FLNB: variants seen among roughly 807,000 people sequenced by gnomAD.
The protein encoded by FLNB is filamin B.
FLNB carries 111 observed loss-of-function variants against 250.6 expected under a neutral mutation model. The ratio of observed to expected loss-of-function variants is 0.44; its 90% CI spans 0.38 to 0.52. The LOEUF (loss-of-function observed/expected upper bound fraction) is 0.52, where lower values mean the gene tolerates loss of function less well. Ranked by LOEUF, FLNB falls within the 20% of genes least tolerant of loss-of-function variation. The pLI is 0.00. For missense variants in FLNB, 2,869 were observed against 3,447.8 expected (o/e 0.83, Z 4.20); for synonymous variants, 1,302 against 1,372.1 (o/e 0.95, Z 1.13).
chr3:58,152,636 G>A lies in FLNB; in HGVS notation c.6368-739G>A, dbSNP rs139888044. ...GTAGGGTTTCAATATTTGAATTTTG[G>A]AGGGACACAAACATTCAGTTCATTA... On this transcript the variant is annotated intron_variant, in intron 38 of 45. Coordinates refer to ENST00000295956, the MANE Select transcript of FLNB (RefSeq NM_001457.4). 527 of 609,122 alleles carry A rather than the reference G, an allele frequency of 8.7e-4. 3 individuals are homozygous for A. Among genetic ancestry groups the A allele is most frequent in the African/African-American group, 8.6e-3 (452 of 52,632 alleles). 37.7% of individuals were successfully genotyped at this position (609,122 alleles called of 1,614,324 possible). A position where few individuals can be genotyped will look rare whatever the true frequency, so the allele number is the denominator to read the frequency against.
intron 1 of FLNB, among the ~76,000 whole-genome samples, chr3:58,074,604 AGAAAACACGGT>A (rs761595174): frequency 3.9e-5 from 6 of 152,236 alleles, no homozygotes; most frequent in Non-Finnish European, 8.8e-5. Flanking sequence ...CTAAATTACA[AGAAAACACGGT>A]GAATTTGTAT....
chr3:58,170,651 C>T lies in FLNB; in HGVS notation c.7698C>T (p.Asn2566=). Residue 2566 remains asparagine, a synonymous_variant, in exon 46 of 46, where the codon AAC becomes AAT. Transcript: ENST00000295956. ...CEEVSMKHVG[N]QQYNVTYVVK... ...AGGTCTCCATGAAGCATGTAGGCAA[C>T]CAGCAATACAACGTCACATACGTCG... 6.2e-7 allele frequency: 1 copy of T among 1,614,144 alleles called. No individual in the cohort carries two copies.
At chr3:58,120,594 C>T (rs1357825783) in intron 19 of FLNB, among the ~76,000 whole-genome samples, 1 of 152,218 alleles carries the variant, frequency 6.6e-6, no homozygotes, top group Non-Finnish European at 1.5e-5. Flanking sequence ...ACAGTCAGTT[C>T]TCAGCACTTG....
intron 42 of FLNB, chr3:58,162,789 A>G: frequency 6.5e-6 from 2 of 306,688 alleles, no homozygotes; most frequent in South Asian, 6.2e-5. Flanking sequence ...ATTTTAGTGG[A>G]AAAACATAAT....
In FLNB at chr3:58,130,801, G is replaced by A. The variant is rs2097306088; in HGVS notation, c.4283G>A (p.Gly1428Asp). The A allele has an allele frequency of 1.9e-6, 3 of 1,613,780 alleles. No individual in the cohort carries two copies. The highest frequency in any genetic ancestry group is 2.5e-6 in the Non-Finnish European group (3 of 1,179,956). ...GACCCCAGCAAGGTCAAGATTGCCG[G>A]CCCCGGGCTGGGCTCAGGCGTCCGA... ...VVDPSKVKIA[G>D]PGLGSGVRAR... Residue 1428 changes from glycine (G) to aspartate (D), a missense_variant, in exon 25 of 46, where the codon GGC becomes GAC. Gly to Asp is a moderately conservative substitution (Grantham distance 94). This residue lies in a region of FLNB where 1,348 missense variants were observed against 1,466.7 expected (regional missense o/e 0.92). Transcript: ENST00000295956.
chr3:58,095,056 AC>A, intron 5 of FLNB, 102 bp downstream of exon 5: 1 of 954,980 alleles, frequency 1.0e-6, no homozygotes, highest in South Asian at 1.3e-5. Flanking sequence ...TCAGCTCACA[AC>A]CAAAAGTGTT....
intron 41 of FLNB, among the ~76,000 whole-genome samples, chr3:58,158,250 A>T (rs566808437): frequency 6.6e-6 from 1 of 152,250 alleles, no homozygotes; most frequent in African/African-American, 2.4e-5. Flanking sequence ...AGTCTATGCT[A>T]TGCAGCATGA....
At chr3:58,071,910 AAAG>A (rs1442739004) in intron 1 of FLNB, among the ~76,000 whole-genome samples, 13 of 152,322 alleles carry the variant, frequency 8.5e-5, no homozygotes, top group African/African-American at 2.6e-4. Context: ...ACTCATCCAC[AAAG>A]AAGATGTTTC....
intron 1 of FLNB, among the ~76,000 whole-genome samples, chr3:58,048,702 C>G (rs1219514424): frequency 2.0e-5 from 3 of 152,186 alleles, no homozygotes; most frequent in Non-Finnish European, 4.4e-5. Context: ...ACATGAATAT[C>G]CTGTTCCCCA....
chr3:58,106,825 G>C lies in FLNB; in HGVS notation c.1893G>C (p.Pro631=). The C allele has an allele frequency of 1.2e-6, 2 of 1,614,040 alleles. No homozygotes were observed. Among genetic ancestry groups the C allele is most frequent in the Non-Finnish European group, 1.7e-6 (2 of 1,179,994 alleles). The part of the protein sequence containing the change: ...MCDDEDIKDS[P]YMAFIHPATG... ...ACGACGAAGACATCAAGGACAGCCC[G>C]TACATGGCCTTCATCCACCCAGCCA... Residue 631 remains proline (P), a synonymous_variant, in exon 12 of 46, where the codon CCG becomes CCC. Coordinates refer to ENST00000295956, the MANE Select transcript of FLNB (RefSeq NM_001457.4).
intron 1 of FLNB, among the ~76,000 whole-genome samples, chr3:58,020,901 A>G (rs1440238217): frequency 1.3e-5 from 2 of 151,998 alleles, no homozygotes; most frequent in Admixed American, 1.3e-4. Flanking sequence ...GCTTTCCTTC[A>G]ACAGGCAGGA....
Position 58,168,644 on chromosome 3 carries a change from A to C in FLNB, c.7403A>C (p.Lys2468Thr). 6.2e-7 allele frequency: 1 copy of C among 1,613,576 alleles called. No individual in the cohort carries two copies. Residue 2468 changes from lysine to threonine, a missense_variant, in exon 44 of 46, where the codon AAG (lysine) becomes ACG (threonine). Transcript: ENST00000295956. The stretch of plus-strand genomic sequence containing the variant: ...AACCACATCGTGGGCAGTCCCTTCA[A>C]GGCCAAGGTGACAGGTAACGAACAA... Reference protein sequence around the residue: ...GPNHIVGSPFKAKVTGQRLVS... With the variant: ...GPNHIVGSPFTAKVTGQRLVS...
At chr3:58,158,185 A>G (rs958355051) in intron 41 of FLNB, among the ~76,000 whole-genome samples, 1 of 152,174 alleles carries the variant, frequency 6.6e-6, no homozygotes, top group Non-Finnish European at 1.5e-5. Context: ...CTCAGTCTAT[A>G]TCCCCTAGGG....
At position 58,148,665 on chromosome 3, in the gene FLNB, C is replaced by T. The variant is rs2097339936; in HGVS notation, c.5904C>T (p.Pro1968=). 1 of 1,614,140 alleles carries T rather than the reference C, an allele frequency of 6.2e-7. No individual in the cohort carries two copies. The highest frequency in any genetic ancestry group is 8.5e-7 in the Non-Finnish European group (1 of 1,180,008). The change falls in exon 36 of 46, where the codon CCC becomes CCT. Residue 1968 remains proline, a synonymous_variant. Transcript: ENST00000295956. ...PNNHIGISFI[P]REVGEHLVSI... Reference sequence around the variant, plus strand: ...CTGGTCCAGGCATCTCCTTCATCCCCCGGGAAGTGGGCGAACATCTGGTCA... The same window carrying T: ...CTGGTCCAGGCATCTCCTTCATCCCTCGGGAAGTGGGCGAACATCTGGTCA...
chr3:58,112,303 T>C lies in FLNB; in HGVS notation c.2730T>C (p.Tyr910=). 6.2e-7 allele frequency: 1 copy of C among 1,613,590 alleles called. No homozygotes were observed. The highest frequency in any genetic ancestry group is 8.5e-7 in the Non-Finnish European group (1 of 1,179,994). Residue 910 remains tyrosine, a synonymous_variant, in exon 18 of 46, where the codon TAT becomes TAC. Coordinates refer to ENST00000295956, the MANE Select transcript of FLNB (RefSeq NM_001457.4). ...DNYDYSHTVK[Y]TPTQQGNMQV... is the part of the protein sequence containing the mutation. ...ATGACTACTCTCACACGGTTAAATA[T>C]ACACCCACCCAACAGGTAGGGTCCT...
chr3:58,057,256 A>T (rs1215066367), intron 1 of FLNB, among the ~76,000 whole-genome samples: 3 of 152,234 alleles, frequency 2.0e-5, no homozygotes, highest in Non-Finnish European at 4.4e-5. Context: ...GATTACAGGC[A>T]TGAATGAGCC....
intron 33 of FLNB, 129 bp from the exon 34 acceptor site, chr3:58,146,691 A>G: frequency 1.1e-6 from 1 of 913,224 alleles, no homozygotes; most frequent in Non-Finnish European, 1.8e-6. Flanking sequence ...CTTTGCCCAC[A>G]GCTCACGTGG....
chr3:58,100,373 A>AAAAAAAAAAAATATATATATATATAT, intron 8 of FLNB, among the ~76,000 whole-genome samples: 5 of 104,384 alleles, frequency 4.8e-5, no homozygotes, highest in African/African-American at 1.4e-4. Flanking sequence ...GTAAAAAAAA[A>AAAAAAAAAAAATATATATATATATAT]ATATATATAT....
At chr3:58,017,911 C>T (rs752576039) in intron 1 of FLNB, among the ~76,000 whole-genome samples, 1 of 152,180 alleles carries the variant, frequency 6.6e-6, no homozygotes, top group Non-Finnish European at 1.5e-5. Context: ...GCCGCTGACT[C>T]TCTCCCTTTC....
Sources: gnomAD v4.1 joint callset for allele counts (sites outside exome capture counted in the v4.1 genomes callset) on GRCh38, gnomAD v4.1.1 for gene constraint, gnomAD v4.1.1 regional missense constraint, MANE v1.5 for transcripts, NCBI Gene and HGNC (gene_info 2026-07-23, HGNC 2026-07-21) for gene names.